Variants in C2CD3 observed in about 807,000 individuals in gnomAD.
C2CD3 encodes the protein C2 domain containing 3 centriole elongation regulator.
A neutral mutation model predicts 234.0 loss-of-function variants in C2CD3; 148 were observed. The ratio of observed to expected loss-of-function variants is 0.63; its 90% CI spans 0.55 to 0.72. C2CD3 has a LOEUF of 0.72. Among genes scored for constraint, C2CD3 ranks in the 30% least tolerant of loss-of-function variants. C2CD3 has a pLI of 0.00. For synonymous variants in C2CD3, 1,000 were observed against 1,035.4 expected (o/e 0.97, Z 0.66); for missense variants, 2,577 against 2,811.5 (o/e 0.92, Z 1.89).
At chr11:74,037,217 T>C (rs1286299691) in intron 30 of C2CD3, among the ~76,000 whole-genome samples, 1 of 152,034 alleles carries the variant, frequency 6.6e-6, no homozygotes. Flanking sequence ...ACGTTCAGAG[T>C]CAGACTCTAA....
At chr11:74,044,177 G>A (rs1041100975) in intron 28 of C2CD3, among the ~76,000 whole-genome samples, 2 of 151,822 alleles carry the variant, frequency 1.3e-5, no homozygotes, top group African/African-American at 4.8e-5. Flanking sequence ...TCTATAACTG[G>A]CCGGGCACAG....
At chr11:74,063,785 CA>C (rs1954369062) in intron 24 of C2CD3, among the ~76,000 whole-genome samples, 1 of 152,068 alleles carries the variant, frequency 6.6e-6, no homozygotes, top group Non-Finnish European at 1.5e-5. Context: ...GGCAATCAGG[CA>C]AGAGAAAGAA....
At chr11:74,055,004 T>C (rs974592684) in intron 25 of C2CD3, among the ~76,000 whole-genome samples, 26 of 152,202 alleles carry the variant, frequency 1.7e-4, no homozygotes, top group Non-Finnish European at 4.4e-5. Flanking sequence ...TGGGTAATGA[T>C]TCCGCTTATG....
chr11:74,072,427 C>T (rs1167051746), intron 24 of C2CD3, among the ~76,000 whole-genome samples: 1 of 152,164 alleles, frequency 6.6e-6, no homozygotes, highest in African/African-American at 2.4e-5. Context: ...GTTTGAGAGA[C>T]ACCAAAACAG....
intron 5 of C2CD3, among the ~76,000 whole-genome samples, chr11:74,133,860 T>A (rs1957765781): frequency 6.6e-6 from 1 of 152,228 alleles, no homozygotes; most frequent in South Asian, 2.1e-4. Flanking sequence ...CTGGTGCTTG[T>A]ACCTAATAAG....
chr11:74,141,800 G>A (rs117954769), intron 3 of C2CD3, among the ~76,000 whole-genome samples: 1 of 151,888 alleles, frequency 6.6e-6, no homozygotes, highest in Non-Finnish European at 1.5e-5. Flanking sequence ...TTTGAGACTG[G>A]CCTGGGCAAC....
intron 24 of C2CD3, among the ~76,000 whole-genome samples, chr11:74,062,301 C>T (rs1018607854): frequency 6.6e-6 from 1 of 152,188 alleles, no homozygotes; most frequent in Non-Finnish European, 1.5e-5. Flanking sequence ...AACTCTCCAC[C>T]CCAAATCAAC....
At chr11:74,068,793 G>GTTTATTTA (rs748959127) in intron 24 of C2CD3, among the ~76,000 whole-genome samples, 2 of 151,892 alleles carry the variant, frequency 1.3e-5, no homozygotes, top group Non-Finnish European at 2.9e-5. Context: ...CATCCCTCTG[G>GTTTATTTA]TTTATTTATT....
Position 74,103,371 on chromosome 11 carries a change from G to A in C2CD3, c.2340C>T (p.Thr780=), listed in dbSNP as rs1246786728. ...SPSPVAPHPS[T]FVATPASHNL... The stretch of plus-strand genomic sequence containing the variant: ...TATGGGAGGCTGGCGTAGCTACGAA[G>A]GTTGAAGGATGTGGTGCTACAGGGC... The change falls in exon 14 of 33, where the codon ACC becomes ACT. Residue 780 remains threonine (T), a synonymous_variant. Coordinates refer to ENST00000334126, the MANE Select transcript of C2CD3 (RefSeq NM_001286577.2). 1.2e-6 allele frequency: 2 copies of A among 1,614,204 alleles called. No individual in the cohort carries two copies. Among genetic ancestry groups the A allele is most frequent in the Non-Finnish European group, 1.7e-6 (2 of 1,180,050 alleles).
At chr11:74,049,908 G>GTAGCTAGGACTATA (rs1210948510) in intron 26 of C2CD3, among the ~76,000 whole-genome samples, 1 of 138,046 alleles carries the variant, frequency 7.2e-6, no homozygotes, top group African/African-American at 3.5e-5. Flanking sequence ...AGTCTCCCAA[G>GTAGCTAGGACTATA]TAGCTAGGAC....
intron 5 of C2CD3, among the ~76,000 whole-genome samples, chr11:74,135,150 A>C (rs1401953057): frequency 4.6e-5 from 7 of 151,352 alleles, no homozygotes; most frequent in Non-Finnish European, 7.4e-5. Flanking sequence ...GATAGGCAGA[A>C]TTCTAAGATG....
chr11:74,049,734 C>T (rs113280659), intron 26 of C2CD3, among the ~76,000 whole-genome samples, 192 bp from the exon 27 acceptor site: 8 of 152,274 alleles, frequency 5.3e-5, no homozygotes, highest in African/African-American at 1.9e-4. Flanking sequence ...AATTCCCTTT[C>T]TGTATGGTGG....
intron 32 of C2CD3, among the ~76,000 whole-genome samples, chr11:74,021,840 G>GT (rs1377241474): frequency 2.0e-5 from 3 of 152,134 alleles, no homozygotes; most frequent in Non-Finnish European, 4.4e-5. Context: ...GAAATAGTCG[G>GT]GGGGGCTGGG....
intron 12 of C2CD3, 104 bp from the exon 13 acceptor site, chr11:74,106,597 G>T: frequency 1.9e-6 from 2 of 1,074,474 alleles, no homozygotes; most frequent in Non-Finnish European, 2.7e-6. Context: ...AACCATTCAG[G>T]AAGAAAAAAG....
intron 32 of C2CD3, among the ~76,000 whole-genome samples, chr11:74,017,739 C>A (rs1416160375): frequency 2.0e-5 from 3 of 152,198 alleles, no homozygotes; most frequent in African/African-American, 7.2e-5. Context: ...CTTATCCCGG[C>A]CCTTGGCTCC....
chr11:74,133,214 T>A (rs1384048254), intron 6 of C2CD3, among the ~76,000 whole-genome samples: 1 of 152,194 alleles, frequency 6.6e-6, no homozygotes, highest in Non-Finnish European at 1.5e-5. Context: ...TCGGAGACAG[T>A]AAAGAATTTA....
At chr11:74,159,368 C>CAG (rs1320099564) in intron 3 of C2CD3, among the ~76,000 whole-genome samples, 2 of 151,856 alleles carry the variant, frequency 1.3e-5, no homozygotes, top group Non-Finnish European at 2.9e-5. Flanking sequence ...GGAGGTATTC[C>CAG]AGAAGAAGGC....
At chr11:74,111,304 T>C (rs1956733812) in intron 11 of C2CD3, among the ~76,000 whole-genome samples, 2 of 152,070 alleles carry the variant, frequency 1.3e-5, no homozygotes, top group South Asian at 4.2e-4. Flanking sequence ...AAACTCAAAA[T>C]CCAAAATGCT....
intron 3 of C2CD3, among the ~76,000 whole-genome samples, chr11:74,155,505 T>A (rs955292437): frequency 6.6e-6 from 1 of 152,160 alleles, no homozygotes. Flanking sequence ...ACAATCCAAA[T>A]GTCTATCAAC....
Sources: gnomAD v4.1 joint callset for allele counts (sites outside exome capture counted in the v4.1 genomes callset) on GRCh38, gnomAD v4.1.1 for gene constraint, MANE v1.5 for transcripts, NCBI Gene and HGNC (gene_info 2026-07-23, HGNC 2026-07-21) for gene names.